The following MDFIC2 variants were observed in gnomAD, a reference collection of about 807,000 sequenced individuals.
MDFIC2 encodes the protein MyoD family inhibitor domain containing 2.
rs538999987 is a variant in MDFIC2 at position 70,210,454 on chromosome 3, C to T, written c.89-3664G>A. The stretch of plus-strand genomic sequence containing the variant: ...GAATTCTGACATCTGAAGTGAGTCA[C>T]AATTTTTGGGTGAATGTTACTGACA... On this transcript the variant is annotated intron_variant, in intron 2 of 3. Transcript: ENST00000567252. Among the ~76,000 whole-genome samples the T allele has an allele frequency of 2.6e-5, 4 of 152,210 alleles. No individual in the cohort carries two copies. The South Asian group carries it at 8.3e-4, about 31-fold the overall frequency.
At chr3:70,267,192 C>T (rs1037927832) in intron 2 of MDFIC2, among the ~76,000 whole-genome samples, 1 of 151,978 alleles carries the variant, frequency 6.6e-6, no homozygotes, top group African/African-American at 2.4e-5. Flanking sequence ...ATACTTAATT[C>T]CCCCTTATGT....
chr3:70,279,478 C>G (rs1450793867), intron 2 of MDFIC2, among the ~76,000 whole-genome samples: 1 of 152,036 alleles, frequency 6.6e-6, no homozygotes, highest in East Asian at 1.9e-4. Context: ...TCCCCTGTAC[C>G]ACACACAAAT....
intron 2 of MDFIC2, among the ~76,000 whole-genome samples, chr3:70,309,230 T>C (rs550195432): frequency 6.6e-6 from 1 of 152,234 alleles, no homozygotes; most frequent in South Asian, 2.1e-4. Context: ...CCCTGCAAAT[T>C]TGAGCAAGAT....
At chr3:70,271,471 G>T (rs6807130) in intron 2 of MDFIC2, among the ~76,000 whole-genome samples, 67,338 of 151,946 alleles carry the variant, frequency 0.44, 15,953 homozygotes, top group Non-Finnish European at 0.53. Context: ...TCTGGAATTT[G>T]TATGACAAAT....
At chr3:70,244,940 C>A (rs1006174150) in intron 2 of MDFIC2, among the ~76,000 whole-genome samples, 3 of 152,052 alleles carry the variant, frequency 2.0e-5, no homozygotes, top group African/African-American at 7.2e-5. Context: ...TCTGAATATT[C>A]CCCCAAATTA....
chr3:70,207,774 G>A (rs1417182170), intron 2 of MDFIC2, among the ~76,000 whole-genome samples: 1 of 152,000 alleles, frequency 6.6e-6, no homozygotes, highest in East Asian at 1.9e-4. Flanking sequence ...GATATGCATA[G>A]GTTATATGCA....
chr3:70,297,825 C>T (rs2106698991), intron 2 of MDFIC2, among the ~76,000 whole-genome samples: 1 of 152,164 alleles, frequency 6.6e-6, no homozygotes, highest in African/African-American at 2.4e-5. Context: ...AACTCACAGG[C>T]TTCTGACCAC....
intron 3 of MDFIC2, among the ~76,000 whole-genome samples, chr3:70,197,722 T>C (rs969495350): frequency 6.6e-6 from 1 of 152,258 alleles, no homozygotes; most frequent in African/African-American, 2.4e-5. Context: ...TAAATGCTTT[T>C]TAAAATAATC....
intron 2 of MDFIC2, among the ~76,000 whole-genome samples, chr3:70,274,571 CTGAACAA>C: frequency 6.6e-6 from 1 of 152,166 alleles, no homozygotes; most frequent in Admixed American, 6.5e-5. Flanking sequence ...TAAGTGGGAG[CTGAACAA>C]TGAGGACACA....
chr3:70,311,249 T>G (rs1303021624), intron 2 of MDFIC2, among the ~76,000 whole-genome samples: 1 of 152,210 alleles, frequency 6.6e-6, no homozygotes, highest in Admixed American at 6.5e-5. Context: ...GTTACCTTTT[T>G]GACATATTAA....
chr3:70,279,088 AC>A (rs760849721), intron 2 of MDFIC2, among the ~76,000 whole-genome samples: 3 of 149,528 alleles, frequency 2.0e-5, no homozygotes, highest in Non-Finnish European at 3.0e-5. Flanking sequence ...CCCAAGCCTG[AC>A]TTCCAAATGA....
At chr3:70,297,985 G>A (rs1029365402) in intron 2 of MDFIC2, among the ~76,000 whole-genome samples, 1 of 152,030 alleles carries the variant, frequency 6.6e-6, no homozygotes, top group African/African-American at 2.4e-5. Flanking sequence ...AATCAGGGGA[G>A]AAATTTTTAA....
chr3:70,216,646 T>C (rs911833110), intron 2 of MDFIC2, among the ~76,000 whole-genome samples: 1 of 152,120 alleles, frequency 6.6e-6, no homozygotes, highest in African/African-American at 2.4e-5. Context: ...GATGTTACCG[T>C]TGTATAGTAA....
intron 2 of MDFIC2, among the ~76,000 whole-genome samples, chr3:70,240,987 C>G (rs955413600): frequency 2.6e-5 from 4 of 152,148 alleles, no homozygotes; most frequent in Non-Finnish European, 5.9e-5. Context: ...TGGCCTTTCA[C>G]AGTCAAGGAT....
rs143073873 is a variant in MDFIC2, at chr3:70,263,574, C to T, written c.88+48312G>A. On this transcript the variant is annotated intron_variant, in intron 2 of 3. Transcript: ENST00000567252. ...GACAGATCTCTAGTAGTTGTTCTTTCCCAGAAAGTTTGTCATGCCTAGCCT... is the reference window on the plus strand; with the variant it reads ...GACAGATCTCTAGTAGTTGTTCTTTTCCAGAAAGTTTGTCATGCCTAGCCT... Among the ~76,000 whole-genome samples, 23 of 152,232 alleles carry T rather than the reference C, an allele frequency of 1.5e-4. 2 individuals carry two copies. Among genetic ancestry groups the T allele is most frequent in the African/African-American group, 5.1e-4 (21 of 41,546 alleles).
rs894704865 is a variant in MDFIC2 at position 70,194,849 on chromosome 3, C to A, written c.*2077G>T. On this transcript the variant is annotated 3_prime_UTR_variant, in exon 4 of 4. Coordinates refer to ENST00000567252, the MANE Select transcript of MDFIC2 (RefSeq NM_001364677.1). ...ATTATAGGAATAGGGTTCCAGAGAC[C>A]CCCAGGTGTTCCTCCTTTAGTGACT... Among the ~76,000 whole-genome samples the A allele has an allele frequency of 6.6e-6, 1 of 151,998 alleles. No homozygotes were observed. Among genetic ancestry groups the A allele is most frequent in the African/African-American group, 2.4e-5 (1 of 41,374 alleles).
intron 2 of MDFIC2, among the ~76,000 whole-genome samples, chr3:70,284,683 G>A (rs749214562): frequency 3.9e-5 from 6 of 152,152 alleles, no homozygotes; most frequent in Non-Finnish European, 7.3e-5. Flanking sequence ...CTTATAAGTG[G>A]GAGCTAAACA....
chr3:70,267,496 G>C (rs899784118), intron 2 of MDFIC2, among the ~76,000 whole-genome samples: 2 of 146,934 alleles, frequency 1.4e-5, no homozygotes, highest in Admixed American at 7.0e-5. Flanking sequence ...TCCGCCTCCT[G>C]GGCTCACGCC....
At chr3:70,276,291 T>C (rs1702025059) in intron 2 of MDFIC2, among the ~76,000 whole-genome samples, 1 of 152,218 alleles carries the variant, frequency 6.6e-6, no homozygotes, top group South Asian at 2.1e-4. Context: ...TCCAATTTTA[T>C]ATACTGTCAT....
Sources: gnomAD v4.1 joint callset for allele counts (sites outside exome capture counted in the v4.1 genomes callset) on GRCh38, gnomAD v4.1.1 for gene constraint, MANE v1.5 for transcripts, NCBI Gene and HGNC (gene_info 2026-07-23, HGNC 2026-07-21) for gene names.